The following TRPM6 variants were observed in gnomAD, a reference collection of about 807,000 sequenced individuals.
The protein encoded by TRPM6 is transient receptor potential cation channel subfamily M member 6.
In TRPM6, 111 loss-of-function variants were observed where a neutral mutation model predicts 247.6. The ratio of observed to expected loss-of-function variants is 0.45; its 90% confidence interval spans 0.38 to 0.52. The LOEUF (loss-of-function observed/expected upper bound fraction) is 0.52. Among genes scored for constraint, TRPM6 ranks in the 20% least tolerant of loss-of-function variants. The pLI is 0.00. For synonymous variants in TRPM6, 892 were observed against 853.8 expected (o/e 1.04, Z -0.78); for missense variants, 2,126 against 2,421.5 (o/e 0.88, Z 2.56).
chr9:74,840,459 C>T (rs1829895415), intron 4 of TRPM6, among the ~76,000 whole-genome samples: 1 of 152,220 alleles, frequency 6.6e-6, no homozygotes, highest in Non-Finnish European at 1.5e-5. Flanking sequence ...TGTAGGAAAG[C>T]TTCCTCTGGT....
chr9:74,787,841 A>C (rs992793874), intron 20 of TRPM6, among the ~76,000 whole-genome samples: 1 of 152,016 alleles, frequency 6.6e-6, no homozygotes, highest in Admixed American at 6.6e-5. Context: ...TTAGCCTCCC[A>C]AGTAGCTGGG....
rs1191154798 is a variant in TRPM6 at position 74,763,138 on chromosome 9, G to A, written c.3537-4C>T. On this transcript the variant is annotated splice_polypyrimidine_tract_variant and splice_region_variant and intron_variant, in intron 25 of 38. Transcript: ENST00000360774. The stretch of plus-strand genomic sequence containing the variant: ...CTGGAAGTACATCTCTGTAACCCTA[G>A]TGGTGAAGGAAGGGAGAAAACCAAC... The A allele has an allele frequency of 5.6e-6, 9 of 1,607,772 alleles. No individual in the cohort carries two copies. In the Admixed American group the frequency reaches 1.3e-4, roughly 24 times the overall value.
At chr9:74,725,900 A>G (rs1462150080) in intron 38 of TRPM6, among the ~76,000 whole-genome samples, 4 of 152,238 alleles carry the variant, frequency 2.6e-5, no homozygotes, top group Non-Finnish European at 5.9e-5. Context: ...TGGTTTACAG[A>G]CAAGGAAACT....
chr9:74,739,864 A>G lies in TRPM6; in HGVS notation c.5346T>C (p.Ala1782=). The G allele has an allele frequency of 1.2e-6, 2 of 1,614,138 alleles. No individual in the cohort carries two copies. The highest frequency in any genetic ancestry group is 3.3e-5 in the Admixed American group (2 of 60,014). ...REEMDGGLRK[A]MRVVSTWSED... Reference sequence around the variant, plus strand: ...CAGACCAAGTGCTGACGACTCTCATAGCTTTACGGAGGCCCCCATCCATCT... The same window carrying G: ...CAGACCAAGTGCTGACGACTCTCATGGCTTTACGGAGGCCCCCATCCATCT... The change falls in exon 34 of 39, where the codon GCT becomes GCC. Residue 1782 remains alanine (A), a synonymous_variant. Coordinates refer to ENST00000360774, the MANE Select transcript of TRPM6 (RefSeq NM_017662.5).
intron 3 of TRPM6, among the ~76,000 whole-genome samples, chr9:74,849,440 A>AG (rs1830220696): frequency 6.6e-6 from 1 of 152,040 alleles, no homozygotes; most frequent in Non-Finnish European, 1.5e-5. Flanking sequence ...GAAGAAGGAG[A>AG]GATCCCCAGG....
chr9:74,774,962 G>A (rs1827168433), intron 24 of TRPM6, among the ~76,000 whole-genome samples: 1 of 152,198 alleles, frequency 6.6e-6, no homozygotes, highest in Non-Finnish European at 1.5e-5. Flanking sequence ...TTGGGAAGAG[G>A]ATTGCGCATT....
chr9:74,733,880 C>G (rs1825606427), intron 36 of TRPM6, among the ~76,000 whole-genome samples: 1 of 152,182 alleles, frequency 6.6e-6, no homozygotes, highest in African/African-American at 2.4e-5. Context: ...TTTCATTCTA[C>G]TTATAAACAG....
chr9:74,803,692 G>A, intron 15 of TRPM6, 102 bp downstream of exon 15: 2 of 846,684 alleles, frequency 2.4e-6, no homozygotes, highest in Admixed American at 3.4e-5. Context: ...ACTTATAAAT[G>A]GTCCCTCTAT....
chr9:74,771,220 A>G (rs7043524), intron 25 of TRPM6, among the ~76,000 whole-genome samples: 6,544 of 152,258 alleles, frequency 0.043, 469 homozygotes, highest in African/African-American at 0.15. Context: ...GACCTTCTAG[A>G]ACCAGACCAT....
intron 11 of TRPM6, among the ~76,000 whole-genome samples, chr9:74,812,710 C>A (rs1438617952): frequency 6.6e-6 from 1 of 151,950 alleles, no homozygotes; most frequent in African/African-American, 2.4e-5. Context: ...GGCAACACAG[C>A]AAAACCCTGT....
chr9:74,794,198 T>C (rs977616247), intron 18 of TRPM6, among the ~76,000 whole-genome samples: 1 of 152,154 alleles, frequency 6.6e-6, no homozygotes, highest in South Asian at 2.1e-4. Flanking sequence ...TTTAAAGTAA[T>C]ATTAAAAGAA....
Position 74,821,527 on chromosome 9 carries a change from AAC to A in TRPM6, c.1010+140_1010+141del, listed in dbSNP as rs148939784. Reference sequence around the variant, plus strand: ...AAGGGCATTTTGATGTTGAACAACAAACACAGTCACTGAGAAATGAAATCCAG... The same window carrying A: ...AAGGGCATTTTGATGTTGAACAACAAACAGTCACTGAGAAATGAAATCCAG... On this transcript the variant is annotated intron_variant, in intron 8 of 38. Coordinates refer to ENST00000360774, the MANE Select transcript of TRPM6 (RefSeq NM_017662.5). 1.0e-3 allele frequency: 1,013 copies of A among 1,017,644 alleles called. 10 individuals are homozygous for A. In the African/African-American group the frequency reaches 0.014, roughly 14 times the overall value. The allele number at this position is 1,017,644 out of a possible 1,614,324, so 63.0% of individuals were successfully genotyped here.
intron 1 of TRPM6, among the ~76,000 whole-genome samples, chr9:74,862,576 G>C (rs187840451): frequency 2.0e-4 from 31 of 152,318 alleles, no homozygotes; most frequent in African/African-American, 7.0e-4. Flanking sequence ...GACTAACATA[G>C]TGAGATACCT....
intron 3 of TRPM6, among the ~76,000 whole-genome samples, chr9:74,845,677 T>C (rs1393607253): frequency 6.6e-6 from 1 of 150,808 alleles, no homozygotes; most frequent in Non-Finnish European, 1.5e-5. Context: ...CAAAAAAATA[T>C]AAAAAATTAG....
intron 6 of TRPM6, among the ~76,000 whole-genome samples, chr9:74,830,789 G>A (rs1829520018): frequency 1.2e-5 from 1 of 84,546 alleles, no homozygotes; most frequent in South Asian, 3.2e-4. Context: ...GTAGACAAGG[G>A]TTTCACCATG....
rs765603120 is a variant in TRPM6 at position 74,750,690 on chromosome 9, C to G, written c.5031G>C (p.Arg1677Ser). The G allele has an allele frequency of 6.2e-7, 1 of 1,613,818 alleles. No homozygotes were observed. The highest frequency in any genetic ancestry group is 1.1e-5 in the South Asian group (1 of 91,068). ...DLSKNSLWNSRSTNLNRNSLL... is the reference protein window; with the variant it reads ...DLSKNSLWNSSSTNLNRNSLL... The stretch of plus-strand genomic sequence containing the variant: ...GGGAGTTCCTATTGAGGTTGGTGCT[C>G]CTGGAATTCCACAAAGAGTTTTTGC... Residue 1677 changes from arginine (R) to serine (S), a missense_variant, in exon 30 of 39, where the codon AGG (arginine) becomes AGC (serine). Transcript: ENST00000360774.
intron 3 of TRPM6, among the ~76,000 whole-genome samples, chr9:74,843,327 T>C (rs1365699962): frequency 1.3e-5 from 2 of 152,144 alleles, no homozygotes; most frequent in Non-Finnish European, 2.9e-5. Flanking sequence ...CCATGAAAGT[T>C]GGGATCAGCA....
At chr9:74,861,759 C>T (rs1830694863) in intron 1 of TRPM6, among the ~76,000 whole-genome samples, 1 of 152,052 alleles carries the variant, frequency 6.6e-6, no homozygotes. Context: ...GGTTAATGGT[C>T]TGGGAACTTA....
chr9:74,863,035 T>G (rs1282616842), intron 1 of TRPM6, among the ~76,000 whole-genome samples: 1 of 151,884 alleles, frequency 6.6e-6, no homozygotes, highest in East Asian at 1.9e-4. Flanking sequence ...TGTTTTGTTT[T>G]GTTTTTTGTT....
Sources: gnomAD v4.1 joint callset for allele counts (sites outside exome capture counted in the v4.1 genomes callset) on GRCh38, gnomAD v4.1.1 for gene constraint, MANE v1.5 for transcripts, NCBI Gene and HGNC (gene_info 2026-07-23, HGNC 2026-07-21) for gene names.